Variants in CDK2AP1 observed in about 807,000 individuals in gnomAD.
The protein encoded by CDK2AP1 is cyclin dependent kinase 2 associated protein 1.
A neutral mutation model predicts 14.1 loss-of-function variants in CDK2AP1; 10 were observed. The ratio of observed to expected loss-of-function variants is 0.71; its 90% CI spans 0.44 to 1.20. The LOEUF is 1.20. CDK2AP1 is among the 50% of genes most tolerant of loss of function. The probability of loss-of-function intolerance (pLI) is 0.00; values close to 1 mark genes in which losing one functional copy is unlikely to be tolerated. For synonymous variants in CDK2AP1, 59 were observed against 59.8 expected (o/e 0.99, Z 0.06); for missense variants, 102 against 149.9 (o/e 0.68, Z 1.67).
At chr12:123,269,403 C>T (rs949652509) in intron 1 of CDK2AP1, among the ~76,000 whole-genome samples, 7 of 152,140 alleles carry the variant, frequency 4.6e-5, no homozygotes, top group South Asian at 4.1e-4. Flanking sequence ...TGTTCGGGGG[C>T]GGGGGGGTGT....
chr12:123,269,403 C>CG (rs1380757356), intron 1 of CDK2AP1, among the ~76,000 whole-genome samples: 4 of 152,140 alleles, frequency 2.6e-5, no homozygotes, highest in Non-Finnish European at 5.9e-5. Context: ...TGTTCGGGGG[C>CG]GGGGGGGTGT....
At position 123,261,463 on chromosome 12, in the gene CDK2AP1, T is replaced by G; in HGVS notation, c.*273A>C. On this transcript the variant is annotated 3_prime_UTR_variant, in exon 4 of 4. Transcript: ENST00000261692. ...TGGTGTCTTGGAGGCAAACTACAGT[T>G]TGCTGTAAGATAACTTTCCGTGCAT... 1 of 392,276 alleles carries G rather than the reference T, an allele frequency of 2.5e-6. No individual in the cohort carries two copies. The highest frequency in any genetic ancestry group is 4.7e-6 in the Non-Finnish European group (1 of 213,370). The allele number at this position is 392,276 out of a possible 1,614,324, so 24.3% of individuals were successfully genotyped here. A position where few individuals can be genotyped will look rare whatever the true frequency, so the allele number is the denominator to read the frequency against.
At chr12:123,271,939 C>T (rs1326885598), upstream of CDK2AP1, 1 of 146,638 alleles carries the variant, frequency 6.8e-6, no homozygotes, top group Non-Finnish European at 1.5e-5. Context: ...GCGCCCCGCG[C>T]CTCCGGGTGC....
intron 1 of CDK2AP1, chr12:123,268,212 C>T (rs1283373799): frequency 1.0e-6 from 1 of 985,598 alleles, no homozygotes; most frequent in Non-Finnish European, 1.2e-6. Context: ...CCCAGAGCCA[C>T]ACGGTCTCTC....
chr12:123,264,095 C>A (rs1351168864), intron 3 of CDK2AP1, among the ~76,000 whole-genome samples: 3 of 143,552 alleles, frequency 2.1e-5, no homozygotes, highest in African/African-American at 7.8e-5. Context: ...GGTGACAGAG[C>A]TAGACTCCAT....
intron 1 of CDK2AP1, among the ~76,000 whole-genome samples, chr12:123,268,753 G>A (rs1311251544): frequency 6.6e-6 from 1 of 152,170 alleles, no homozygotes; most frequent in Non-Finnish European, 1.5e-5. Context: ...GACGCACAAC[G>A]CCCACGATAT....
chr12:123,270,503 C>T (rs1358573772), intron 1 of CDK2AP1, among the ~76,000 whole-genome samples: 1 of 152,180 alleles, frequency 6.6e-6, no homozygotes, highest in African/African-American at 2.4e-5. Context: ...GAGTCCTTCC[C>T]CCCATCCCGC....
At position 123,261,616 on chromosome 12, in the gene CDK2AP1, A is replaced by G; in HGVS notation, c.*120T>C. The G allele has an allele frequency of 1.3e-6, 1 of 766,410 alleles. No homozygotes were observed. Among genetic ancestry groups the G allele is most frequent in the Non-Finnish European group, 2.3e-6 (1 of 442,978 alleles). 47.5% of individuals were successfully genotyped at this position (766,410 alleles called of 1,614,324 possible). Reference sequence around the variant, plus strand: ...CTGTAGGTTCAGAGCCAAGTGAACCATGGGAGGAAAAACGAAACTGTAACC... The same window carrying G: ...CTGTAGGTTCAGAGCCAAGTGAACCGTGGGAGGAAAAACGAAACTGTAACC... On this transcript the variant is annotated 3_prime_UTR_variant, in exon 4 of 4. Coordinates refer to ENST00000261692, the MANE Select transcript of CDK2AP1 (RefSeq NM_004642.4).
At chr12:123,266,284 G>A (rs538647111) in intron 2 of CDK2AP1, among the ~76,000 whole-genome samples, 22 of 152,226 alleles carry the variant, frequency 1.4e-4, no homozygotes, top group African/African-American at 4.3e-4. Flanking sequence ...TGGCGCCGCC[G>A]TCGCATGGCC....
Position 123,271,646 on chromosome 12 carries a change from C to G in CDK2AP1, c.-28G>C. 4 of 957,142 alleles carry G rather than the reference C, an allele frequency of 4.2e-6. No homozygotes were observed. Among genetic ancestry groups the G allele is most frequent in the Non-Finnish European group, 5.0e-6 (4 of 806,804 alleles). The allele number at this position is 957,142 out of a possible 1,614,324, so 59.3% of individuals were successfully genotyped here. ...CCCCGGGCGGCGGGCGCGCCGGGCG[C>G]GGCGGGGCCAGGCCGCGAGGGCGGC... On this transcript the variant is annotated 5_prime_UTR_variant, in exon 1 of 4. Transcript: ENST00000261692.
chr12:123,268,018 AAGCAGGGCCC>A (rs1261459585), intron 1 of CDK2AP1: 3 of 206,746 alleles, frequency 1.5e-5, no homozygotes, highest in Non-Finnish European at 2.5e-5. Context: ...GTCAGTGACC[AAGCAGGGCCC>A]AGCCCAGAAC....
rs61953392 is a variant in CDK2AP1, at chr12:123,264,888, G to A, written c.280+308C>T. 3.3e-3 allele frequency among the ~76,000 whole-genome samples: 498 copies of A among 152,214 alleles called. 3 individuals carry two copies. The highest frequency in any genetic ancestry group is 5.1e-3 in the Non-Finnish European group (344 of 67,980). On this transcript the variant is annotated intron_variant, in intron 3 of 3. Transcript: ENST00000261692. ...AGCAGACCAGGCAGGGTCGGGGGCA[G>A]GGGGCACTTCGAACACACCCTTGAA...
intron 3 of CDK2AP1, 76 bp from the exon 4 acceptor site, chr12:123,261,879 G>A: frequency 1.0e-6 from 1 of 999,506 alleles, no homozygotes; most frequent in South Asian, 1.3e-5. Flanking sequence ...AACAGCAAGA[G>A]GATCCATCCT....
At chr12:123,268,168 C>A in intron 1 of CDK2AP1, 2 of 983,414 alleles carry the variant, frequency 2.0e-6, no homozygotes, top group Non-Finnish European at 2.4e-6. Context: ...GGAGAATTTA[C>A]CTAGTCCTCC....
At chr12:123,267,604 T>A (rs993295347) in intron 1 of CDK2AP1, 2 of 306,692 alleles carry the variant, frequency 6.5e-6, no homozygotes, top group Non-Finnish European at 1.3e-5. Context: ...GCCCATCCCC[T>A]CTCCCTGTGT....
intron 1 of CDK2AP1, chr12:123,271,090 G>GGATGGA: frequency 2.2e-6 from 2 of 896,866 alleles, no homozygotes; most frequent in Non-Finnish European, 2.7e-6. Flanking sequence ...CCGCCCGCGC[G>GGATGGA]GGTCCTGGCC....
intron 2 of CDK2AP1, among the ~76,000 whole-genome samples, chr12:123,266,797 C>T (rs992061043): frequency 6.6e-6 from 1 of 152,252 alleles, no homozygotes; most frequent in Non-Finnish European, 1.5e-5. Context: ...GCTGGGCCCG[C>T]GCCCGTGGAG....
chr12:123,270,085 A>G (rs1171567681), intron 1 of CDK2AP1: 1 of 319,588 alleles, frequency 3.1e-6, no homozygotes, highest in Non-Finnish European at 4.5e-6. Flanking sequence ...CAATGACACC[A>G]GGGTAAGCCT....
intron 1 of CDK2AP1, chr12:123,267,652 A>G: frequency 4.0e-6 from 1 of 248,256 alleles, no homozygotes; most frequent in Non-Finnish European, 8.1e-6. Context: ...AGGCCACATC[A>G]CACCACAGCG....
Sources: gnomAD v4.1 joint callset for allele counts (sites outside exome capture counted in the v4.1 genomes callset) on GRCh38, gnomAD v4.1.1 for gene constraint, MANE v1.5 for transcripts, NCBI Gene and HGNC (gene_info 2026-07-23, HGNC 2026-07-21) for gene names.